The following SLC7A13 variants were observed in gnomAD, a reference collection of about 807,000 sequenced individuals.
The protein encoded by SLC7A13 is X-amino acid transporter 2.
SLC7A13 carries 31 observed loss-of-function variants against 32.0 expected under a neutral mutation model. That is an observed-to-expected ratio of 0.97 (90% CI 0.73 to 1.31). SLC7A13 has a LOEUF of 1.31. SLC7A13 is among the 50% of genes most tolerant of loss of function. The probability of loss-of-function intolerance (pLI) is 0.00; values close to 1 mark genes in which losing one functional copy is unlikely to be tolerated. For synonymous variants in SLC7A13, 232 were observed against 206.9 expected, an observed-to-expected ratio of 1.12 and a Z score of -1.04; for missense variants, 633 against 546.9, an observed-to-expected ratio of 1.16 and a Z score of -1.57.
chr8:86,215,424 A>G, intron 3 of SLC7A13: 1 of 179,226 alleles, frequency 5.6e-6, no homozygotes, highest in East Asian at 1.8e-4. Flanking sequence ...ACAGTTGCTT[A>G]CGCCTATAAT....
chr8:86,230,348 G>T lies in SLC7A13; in HGVS notation c.-71C>A. On this transcript the variant is annotated 5_prime_UTR_variant, in exon 1 of 4. Transcript: ENST00000297524. ...ATTTTCCTGCCTATGTAGCTGCAAA[G>T]GATGTTGATGGATTCCTGAAATAAA... is the stretch of plus-strand genomic sequence containing the variant. 7.9e-7 allele frequency: 1 copy of T among 1,265,512 alleles called. No individual in the cohort carries two copies. The highest frequency in any genetic ancestry group is 1.1e-6 in the Non-Finnish European group (1 of 930,124). 78.4% of individuals were successfully genotyped at this position (1,265,512 alleles called of 1,614,324 possible).
intron 1 of SLC7A13, among the ~76,000 whole-genome samples, chr8:86,225,258 C>T (rs938341566): frequency 6.6e-6 from 1 of 152,150 alleles, no homozygotes; most frequent in Non-Finnish European, 1.5e-5. Flanking sequence ...GAACACTAAT[C>T]TGAGCTGATT....
At position 86,229,862 on chromosome 8, in the gene SLC7A13, A is replaced by G. The variant is rs763589149; in HGVS notation, c.416T>C (p.Leu139Ser). The change falls in exon 1 of 4, where the codon TTG becomes TCG. Residue 139 changes from leucine to serine, a missense_variant. By Grantham distance (145) the Leu-to-Ser change is moderately radical. Transcript: ENST00000297524. The stretch of plus-strand genomic sequence containing the variant: ...AATTCCTACAATCCACAACATGGCC[A>G]ATGCCAGACATTTCTTAGGCAGCTT... ...VPKLPKKCLA[L>S]AMLWIVGILT... is the part of the protein sequence containing the mutation. 3.1e-6 allele frequency: 5 copies of G among 1,614,100 alleles called. No homozygotes were observed.
chr8:86,217,854 A>G (rs1463915227), intron 2 of SLC7A13, 23 bp from the exon 3 acceptor site: 1 of 1,512,118 alleles, frequency 6.6e-7, no homozygotes, highest in Non-Finnish European at 8.8e-7. Context: ...AAAAATACAC[A>G]AAAGAAAATG....
chr8:86,223,199 G>T (rs1375954818), intron 1 of SLC7A13, 96 bp from the exon 2 acceptor site: 1 of 1,225,656 alleles, frequency 8.2e-7, no homozygotes, highest in African/African-American at 1.6e-5. Context: ...ATAAATTAAT[G>T]GGGTACAAGC....
rs1820333967 is a variant in SLC7A13, at chr8:86,223,117, G to A, written c.686-14C>T. 3.8e-6 allele frequency: 6 copies of A among 1,567,648 alleles called. No homozygotes were observed. Among genetic ancestry groups the A allele is most frequent in the South Asian group, 1.2e-5 (1 of 80,812 alleles). Reference sequence around the variant, plus strand: ...TCTTCAGCTCCCCTATAACACAAAAGAGGACACAACCATAATTGGTAAACA... The same window carrying A: ...TCTTCAGCTCCCCTATAACACAAAAAAGGACACAACCATAATTGGTAAACA... On this transcript the variant is annotated splice_polypyrimidine_tract_variant and intron_variant, in intron 1 of 3. Coordinates refer to ENST00000297524, the MANE Select transcript of SLC7A13 (RefSeq NM_138817.3).
intron 3 of SLC7A13, 27 bp downstream of exon 3, chr8:86,217,443 A>T: frequency 1.3e-6 from 2 of 1,506,134 alleles, no homozygotes; most frequent in Non-Finnish European, 1.8e-6. Context: ...TATTTCACAC[A>T]GAAAAGAATT....
chr8:86,219,761 G>T (rs577989275), intron 2 of SLC7A13, among the ~76,000 whole-genome samples: 1 of 152,092 alleles, frequency 6.6e-6, no homozygotes, highest in Non-Finnish European at 1.5e-5. Context: ...CTGTCATTGC[G>T]TTTATCTACC....
At position 86,216,568 on chromosome 8, in the gene SLC7A13, T is replaced by C. The variant is rs61671651; in HGVS notation, c.1179+902A>G. 5.5e-3 allele frequency among the ~76,000 whole-genome samples: 831 copies of C among 152,302 alleles called. 11 individuals carry two copies. Among genetic ancestry groups the C allele is most frequent in the African/African-American group, 0.019 (782 of 41,564 alleles). ...GGTTGGAAGAAGTTGGAAAGAAGAC[T>C]GGAAAGGAAGGACATAAATCAACCA... On this transcript the variant is annotated intron_variant, in intron 3 of 3. Transcript: ENST00000297524.
intron 1 of SLC7A13, among the ~76,000 whole-genome samples, chr8:86,223,574 G>T (rs1820339988): frequency 6.6e-6 from 1 of 151,932 alleles, no homozygotes; most frequent in African/African-American, 2.4e-5. Context: ...AAACATGAGT[G>T]CAGATGTCCT....
chr8:86,222,942 A>C lies in SLC7A13; in HGVS notation c.817+30T>G, dbSNP rs373439433. The C allele has an allele frequency of 7.7e-6, 12 of 1,561,170 alleles. No individual in the cohort carries two copies. The African/African-American group carries it at 9.7e-5, about 13-fold the overall frequency. On this transcript the variant is annotated intron_variant, in intron 2 of 3. Coordinates refer to ENST00000297524, the MANE Select transcript of SLC7A13 (RefSeq NM_138817.3). ...GTTACGTTGAAAGGACCAGCACTTTATTTATTGCTTTAGCCATTTGCATAC... is the reference window on the plus strand; with the variant it reads ...GTTACGTTGAAAGGACCAGCACTTTCTTTATTGCTTTAGCCATTTGCATAC...
intron 3 of SLC7A13, 96 bp from the exon 4 acceptor site, chr8:86,214,742 T>C: frequency 1.1e-6 from 1 of 918,328 alleles, no homozygotes. Context: ...TACAAGCTAA[T>C]TAAAGAAAAC....
chr8:86,229,852 C>A lies in SLC7A13; in HGVS notation c.426G>T (p.Leu142Phe), dbSNP rs770297736. The A allele has an allele frequency of 1.2e-6, 2 of 1,614,162 alleles. No homozygotes were observed. Among genetic ancestry groups the A allele is most frequent in the South Asian group, 1.1e-5 (1 of 91,086 alleles). Residue 142 changes from leucine to phenylalanine, a missense_variant, in exon 1 of 4, where the codon TTG (leucine) becomes TTT (phenylalanine). Physicochemically the swap from Leu to Phe is conservative, Grantham distance 22. Transcript: ENST00000297524. ...GAGAAGTCAGAATTCCTACAATCCA[C>A]AACATGGCCAATGCCAGACATTTCT... Reference protein sequence around the residue: ...LPKKCLALAMLWIVGILTSRG... With the variant: ...LPKKCLALAMFWIVGILTSRG...
intron 3 of SLC7A13, among the ~76,000 whole-genome samples, chr8:86,216,302 G>A (rs57064696): frequency 0.056 from 8,582 of 152,238 alleles, 509 homozygotes; most frequent in African/African-American, 0.15. Context: ...GTGGCCATCA[G>A]CCCTGCTCTA....
At chr8:86,226,435 T>C (rs1352025893) in intron 1 of SLC7A13, among the ~76,000 whole-genome samples, 1 of 152,212 alleles carries the variant, frequency 6.6e-6, no homozygotes, top group South Asian at 2.1e-4. Context: ...TTATCAATGA[T>C]GGCGCTCCAA....
rs571791605 is a variant in SLC7A13 at position 86,214,119 on chromosome 8, G to A, written c.*294C>T. 2.2e-4 allele frequency: 47 copies of A among 215,910 alleles called. No homozygotes were observed. Among genetic ancestry groups the A allele is most frequent in the Non-Finnish European group, 3.5e-4 (38 of 110,124 alleles). 13.4% of individuals were successfully genotyped at this position (215,910 alleles called of 1,614,324 possible). On this transcript the variant is annotated 3_prime_UTR_variant, in exon 4 of 4. Coordinates refer to ENST00000297524, the MANE Select transcript of SLC7A13 (RefSeq NM_138817.3). ...CCACAAATTCAGTAGAAAAGGGGTG[G>A]GATACAGAAAAAAAAAGTGAGAGAA...
At chr8:86,222,221 A>T (rs1024631040) in intron 2 of SLC7A13, among the ~76,000 whole-genome samples, 2 of 152,200 alleles carry the variant, frequency 1.3e-5, no homozygotes, top group Non-Finnish European at 2.9e-5. Context: ...AAAAGACATT[A>T]GTCCTAAAGG....
rs1189825838 is a variant in SLC7A13, at chr8:86,222,971, C to T, written c.817+1G>A. 4 of 1,596,584 alleles carry T rather than the reference C, an allele frequency of 2.5e-6. No homozygotes were observed. The highest frequency in any genetic ancestry group is 3.4e-6 in the Non-Finnish European group (4 of 1,172,878). On this transcript the variant is annotated splice_donor_variant, in intron 2 of 3. Coordinates refer to ENST00000297524, the MANE Select transcript of SLC7A13 (RefSeq NM_138817.3). LOFTEE classifies it high-confidence loss of function. ...ATTGCTTTAGCCATTTGCATACAAA[C>T]CTGAAGAGAGAATTTCCCTGGGTGT...
At chr8:86,219,545 C>T (rs913287237) in intron 2 of SLC7A13, among the ~76,000 whole-genome samples, 3 of 152,086 alleles carry the variant, frequency 2.0e-5, no homozygotes, top group African/African-American at 7.2e-5. Context: ...CCCATTCATG[C>T]GGAGCAATGT....
Sources: allele counts gnomAD v4.1 joint callset (sites outside exome capture counted in the v4.1 genomes callset), GRCh38; gene constraint gnomAD v4.1.1; transcripts MANE v1.5; gene names NCBI Gene and HGNC (gene_info 2026-07-23, HGNC 2026-07-21).